Variants in SYTL4 observed in about 807,000 individuals in gnomAD.
SYTL4 encodes the protein synaptotagmin-like protein 4.
SYTL4 carries 16 observed loss-of-function variants against 52.7 expected under a neutral mutation model. The observed-to-expected ratio is 0.30, with a 90% confidence interval of 0.21 to 0.46. The LOEUF is 0.46. SYTL4 is among the 20% of genes least tolerant of loss of function. The pLI, the probability that SYTL4 is intolerant of heterozygous loss-of-function variation, is 1.00. For synonymous variants in SYTL4, 160 were observed against 186.6 expected (o/e 0.86, Z 1.16); for missense variants, 423 against 519.9 (o/e 0.81, Z 1.81).
chrX:100,690,997 G>C (rs1354194787), intron 9 of SYTL4, 111 bp downstream of exon 9: 1 of 571,980 alleles, frequency 1.7e-6, no homozygotes, highest in African/African-American at 2.3e-5. Context: ...GTTGAGGACA[G>C]AGAAAATACT....
intron 2 of SYTL4, among the ~76,000 whole-genome samples, chrX:100,717,222 A>G (rs2147811932): frequency 9.3e-6 from 1 of 107,290 alleles, no homozygotes; most frequent in Admixed American, 1.0e-4. Flanking sequence ...CACAGAGTTC[A>G]CAGTTTAGTA....
chrX:100,723,908 G>C (rs1224076149), intron 2 of SYTL4, among the ~76,000 whole-genome samples: 1 of 104,202 alleles, frequency 9.6e-6, no homozygotes, highest in Non-Finnish European at 2.0e-5. Flanking sequence ...CACCCTGTCC[G>C]GGAGGGAGGT....
At chrX:100,714,312 T>C (rs2084147422) in intron 2 of SYTL4, among the ~76,000 whole-genome samples, 1 of 106,960 alleles carries the variant, frequency 9.3e-6, no homozygotes, top group African/African-American at 3.4e-5. Flanking sequence ...CAGGCTGGAG[T>C]GCAGTGGCAC....
chrX:100,723,904 G>C (rs1303174446), intron 2 of SYTL4, among the ~76,000 whole-genome samples: 1 of 101,912 alleles, frequency 9.8e-6, no homozygotes. Flanking sequence ...CAGCCACCCT[G>C]TCCGGGAGGG....
intron 13 of SYTL4, chrX:100,688,031 T>C: frequency 5.3e-6 from 1 of 189,265 alleles, no homozygotes; most frequent in Non-Finnish European, 9.8e-6. Flanking sequence ...GAATGGGCTA[T>C]GATGAAGAAA....
At chrX:100,728,459 C>T (rs1049816811) in intron 2 of SYTL4, among the ~76,000 whole-genome samples, 2 of 112,012 alleles carry the variant, frequency 1.8e-5, no homozygotes, top group Non-Finnish European at 3.8e-5. Context: ...CCATAAAGTT[C>T]CATAATCCAA....
At chrX:100,682,002 C>G (rs1158874006) in intron 16 of SYTL4, among the ~76,000 whole-genome samples, 1 of 112,071 alleles carries the variant, frequency 8.9e-6, no homozygotes, top group Non-Finnish European at 1.9e-5. Flanking sequence ...GTTATAAGTA[C>G]TTTAGGTGTA....
chrX:100,711,022 T>C (rs1233093155), intron 2 of SYTL4, among the ~76,000 whole-genome samples: 3 of 112,144 alleles, frequency 2.7e-5, no homozygotes, highest in Non-Finnish European at 3.8e-5. Flanking sequence ...CTAAGAATAG[T>C]GCCTGTTTCC....
chrX:100,678,640 G>A lies in SYTL4; in HGVS notation c.1659-41C>T, dbSNP rs140341622. On this transcript the variant is annotated intron_variant, in intron 18 of 19. Coordinates refer to ENST00000372989, the MANE Select transcript of SYTL4 (RefSeq NM_001370165.1). ...GAGTAATCAACAGCCTACTCAAAGC[G>A]GACAGTTATCTCTCTAAATTCCCCT... 1.8e-4 allele frequency: 194 copies of A among 1,093,586 alleles called. No homozygotes were observed. In the African/African-American group the frequency reaches 2.8e-3, roughly 16 times the overall value. The allele number at this position is 1,093,586 out of a possible 1,213,427, so 90.1% of individuals were successfully genotyped here. A position where few individuals can be genotyped will look rare whatever the true frequency, so the allele number is the denominator to read the frequency against.
chrX:100,698,958 A>G (rs1057149267), intron 8 of SYTL4, among the ~76,000 whole-genome samples: 1 of 112,332 alleles, frequency 8.9e-6, no homozygotes, highest in Non-Finnish European at 1.9e-5. Context: ...ACCGGGGGGA[A>G]GTGTAAGAAA....
At position 100,696,972 on chromosome X, in the gene SYTL4, G is replaced by A. The variant is rs748118731; in HGVS notation, c.539+3925C>T. Among the ~76,000 whole-genome samples the A allele has an allele frequency of 3.6e-5, 4 of 112,110 alleles. No individual in the cohort carries two copies. The South Asian group carries it at 1.5e-3, about 42-fold the overall frequency. On this transcript the variant is annotated intron_variant, in intron 8 of 19. Coordinates refer to ENST00000372989, the MANE Select transcript of SYTL4 (RefSeq NM_001370165.1). Reference sequence around the variant, plus strand: ...GTCAAAAATAAAGCCTCAAGTCACAGATTTCAAAAATCGCACCTAAGAAAA... The same window carrying A: ...GTCAAAAATAAAGCCTCAAGTCACAAATTTCAAAAATCGCACCTAAGAAAA...
chrX:100,696,250 T>C (rs1297771787), intron 8 of SYTL4, among the ~76,000 whole-genome samples: 1 of 112,330 alleles, frequency 8.9e-6, no homozygotes, highest in South Asian at 3.7e-4. Flanking sequence ...ATGAACTTTT[T>C]AAAATACTGC....
rs756408531 is a variant in SYTL4, at chrX:100,681,319, G to A, written c.1466C>T (p.Pro489Leu). The A allele has an allele frequency of 7.7e-5, 93 of 1,206,739 alleles. No individual in the cohort carries two copies. Among genetic ancestry groups the A allele is most frequent in the Non-Finnish European group, 9.9e-5 (88 of 892,850 alleles). The change falls in exon 17 of 20, where the codon CCG becomes CTG. Residue 489 changes from proline to leucine, a missense_variant. Transcript: ENST00000372989. ...PLHGKISAES[P>L]TGLPSHKGEL... is the part of the protein sequence containing the mutation. ...GCCTTTGTGTGATGGCAAGCCAGTC[G>A]GGGACTCAGCACTGATCTGAAACAC...
intron 16 of SYTL4, among the ~76,000 whole-genome samples, chrX:100,684,379 G>C (rs1382034545): frequency 9.0e-6 from 1 of 111,692 alleles, no homozygotes; most frequent in African/African-American, 3.3e-5. Context: ...TTCTCTGACA[G>C]TTACATTCAC....
chrX:100,679,074 A>T (rs1215138841), intron 18 of SYTL4, among the ~76,000 whole-genome samples: 1 of 112,033 alleles, frequency 8.9e-6, no homozygotes, highest in African/African-American at 3.2e-5. Context: ...AGAATTAATT[A>T]AGAACATGAG....
At chrX:100,714,647 G>A (rs1199108565) in intron 2 of SYTL4, among the ~76,000 whole-genome samples, 3 of 111,925 alleles carry the variant, frequency 2.7e-5, no homozygotes, top group East Asian at 5.6e-4. Flanking sequence ...GATGTTTCAC[G>A]TTTTAACTTT....
In SYTL4 at chrX:100,675,913, CACACACAT is replaced by C. The variant is rs199736998; in HGVS notation, c.*107_*114del. 1.0e-2 allele frequency: 6,820 copies of C among 684,837 alleles called. 32 individuals carry two copies. The highest frequency in any genetic ancestry group is 0.024 in the African/African-American group (1,065 of 44,634). 56.4% of individuals were successfully genotyped at this position (684,837 alleles called of 1,213,427 possible). ...GTACACATACACACACACACACACACACACACATACACACATACACACATACACATTAA... is the reference window on the plus strand; with the variant it reads ...GTACACATACACACACACACACACACACACACATACACACATACACATTAA... On this transcript the variant is annotated 3_prime_UTR_variant, in exon 20 of 20. Coordinates refer to ENST00000372989, the MANE Select transcript of SYTL4 (RefSeq NM_001370165.1).
intron 2 of SYTL4, among the ~76,000 whole-genome samples, chrX:100,724,028 C>A (rs1336303999): frequency 3.2e-3 from 306 of 95,299 alleles, no homozygotes; most frequent in African/African-American, 0.012. Context: ...GGGGGTCAGC[C>A]CCCCGCCCAG....
At chrX:100,679,507 A>C in intron 17 of SYTL4, 95 bp from the exon 18 acceptor site, 1 of 688,686 alleles carries the variant, frequency 1.5e-6, no homozygotes, top group Non-Finnish European at 2.3e-6. Flanking sequence ...TTGCTCCTAA[A>C]GGCAGCGAGC....
Sources: allele counts gnomAD v4.1 joint callset (sites outside exome capture counted in the v4.1 genomes callset), GRCh38; gene constraint gnomAD v4.1.1; transcripts MANE v1.5; gene names NCBI Gene and HGNC (gene_info 2026-07-23, HGNC 2026-07-21).